The following TUBGCP3 variants were observed in gnomAD, a reference collection of about 807,000 sequenced individuals.
TUBGCP3 encodes the protein tubulin gamma complex component 3, also known as gamma-tubulin complex component 3.
TUBGCP3 carries 50 observed loss-of-function variants against 123.1 expected under a neutral mutation model. That is an observed-to-expected ratio of 0.41 (90% confidence interval 0.32 to 0.51). The LOEUF is 0.51. TUBGCP3 is among the 20% of genes least tolerant of loss of function. TUBGCP3 has a pLI of 0.36. For synonymous variants in TUBGCP3, 405 were observed against 413.9 expected, an observed-to-expected ratio of 0.98 and a Z score of 0.26; for missense variants, 882 against 1,127.0, an observed-to-expected ratio of 0.78 and a Z score of 3.11.
At chr13:112,595,894 T>A in the TUBGCP3 span, among the ~76,000 whole-genome samples, 1 of 152,346 alleles carries the variant, frequency 6.6e-6, no homozygotes, top group Admixed American at 6.5e-5. Context: ...TGTGCTTTCC[T>A]GTGAATTATT....
At chr13:112,542,104 C>T (rs1252324865) in intron 11 of TUBGCP3, among the ~76,000 whole-genome samples, 1 of 152,184 alleles carries the variant, frequency 6.6e-6, no homozygotes, top group Non-Finnish European at 1.5e-5. Flanking sequence ...AAATCTACAC[C>T]ACTAAGCATG....
chr13:112,503,724 A>T (rs1881088443), intron 19 of TUBGCP3, among the ~76,000 whole-genome samples: 1 of 152,198 alleles, frequency 6.6e-6, no homozygotes, highest in African/African-American at 2.4e-5. Flanking sequence ...TCAACAACTC[A>T]AAAGTCATGG....
intron 17 of TUBGCP3, among the ~76,000 whole-genome samples, chr13:112,510,620 A>G (rs1881616816): frequency 6.6e-6 from 1 of 152,200 alleles, no homozygotes; most frequent in Non-Finnish European, 1.5e-5. Flanking sequence ...CACCACAGGC[A>G]GGTGCTGTTC....
intron 11 of TUBGCP3, among the ~76,000 whole-genome samples, chr13:112,541,458 C>T (rs898540767): frequency 6.6e-6 from 1 of 150,688 alleles, no homozygotes; most frequent in Non-Finnish European, 1.5e-5. Context: ...AGGAGAATTG[C>T]TTGAACCCAG....
At chr13:112,569,009 C>T (rs1861480083) in intron 2 of TUBGCP3, 143 bp downstream of exon 2, 1 of 690,460 alleles carries the variant, frequency 1.4e-6, no homozygotes, top group Admixed American at 2.6e-5. Context: ...GACTCTACAA[C>T]AGAATTGACT....
intron 11 of TUBGCP3, among the ~76,000 whole-genome samples, chr13:112,529,228 G>A (rs948394991): frequency 4.6e-5 from 7 of 152,272 alleles, no homozygotes; most frequent in Non-Finnish European, 8.8e-5. Context: ...GGAAGTCTAC[G>A]TCTTCTCCTG....
chr13:112,595,279 C>T, the TUBGCP3 span, among the ~76,000 whole-genome samples: 1 of 152,034 alleles, frequency 6.6e-6, no homozygotes, highest in Non-Finnish European at 1.5e-5. Context: ...TCACTGCAAG[C>T]TCCACCTCCC....
rs551017344 is a variant in TUBGCP3 at position 112,561,938 on chromosome 13, G to A, written c.253-2539C>T. On this transcript the variant is annotated intron_variant, in intron 3 of 21. Transcript: ENST00000261965. ...AGGCAGCATTTTTTAACTATAAAAA[G>A]AGCAAGTATAAAACACCCAGGATCT... Among the ~76,000 whole-genome samples the A allele has an allele frequency of 5.9e-5, 9 of 152,310 alleles. No individual in the cohort carries two copies. The South Asian group carries it at 1.7e-3, about 28-fold the overall frequency.
chr13:112,523,750 C>T (rs1876817146), intron 13 of TUBGCP3, among the ~76,000 whole-genome samples: 1 of 152,214 alleles, frequency 6.6e-6, no homozygotes, highest in African/African-American at 2.4e-5. Context: ...CTCCTCGGAA[C>T]TCTCTTTGCT....
At chr13:112,515,091 T>C (rs571912443) in intron 17 of TUBGCP3, among the ~76,000 whole-genome samples, 11 of 152,298 alleles carry the variant, frequency 7.2e-5, no homozygotes, top group African/African-American at 2.2e-4. Flanking sequence ...CATAGAAAAC[T>C]GATCAAAAAA....
intron 11 of TUBGCP3, among the ~76,000 whole-genome samples, chr13:112,537,645 A>C (rs1878172473): frequency 6.6e-6 from 1 of 152,188 alleles, no homozygotes; most frequent in Admixed American, 6.5e-5. Flanking sequence ...TGAGTTAAGT[A>C]GTATTCCATC....
Position 112,545,959 on chromosome 13 carries a change from T to C in TUBGCP3, c.1169-94A>G, listed in dbSNP as rs1014577168. 2 of 1,411,764 alleles carry C rather than the reference T, an allele frequency of 1.4e-6. No individual in the cohort carries two copies. The highest frequency in any genetic ancestry group is 2.8e-5 in the African/African-American group (2 of 70,712). 87.5% of individuals were successfully genotyped at this position (1,411,764 alleles called of 1,614,324 possible). A position where few individuals can be genotyped will look rare whatever the true frequency, so the allele number is the denominator to read the frequency against. ...TCACCAACCAAAGACGCCCAAGTAATTGAGATAAAGAGCATTTGTTTTCTT... is the reference window on the plus strand; with the variant it reads ...TCACCAACCAAAGACGCCCAAGTAACTGAGATAAAGAGCATTTGTTTTCTT... On this transcript the variant is annotated intron_variant, in intron 10 of 21. Coordinates refer to ENST00000261965, the MANE Select transcript of TUBGCP3 (RefSeq NM_006322.6). The surrounding 1 kb of genome is among the most constrained non-coding windows in gnomAD (Gnocchi z 4.1).
At chr13:112,513,917 C>T (rs1055445703) in intron 17 of TUBGCP3, among the ~76,000 whole-genome samples, 3 of 151,986 alleles carry the variant, frequency 2.0e-5, no homozygotes, top group African/African-American at 7.3e-5. Flanking sequence ...AATTGAGCAC[C>T]GTTCTGAGTA....
rs77784797 is a variant in TUBGCP3, at chr13:112,542,523, A to G, written c.1335+3176T>C. On this transcript the variant is annotated intron_variant, in intron 11 of 21. Transcript: ENST00000261965. ...CTTGAAAAATTAAGTCTAGAACTTT[A>G]AGTCAATTCAATAATTTTATGATAC... Among the ~76,000 whole-genome samples, 325 of 152,378 alleles carry G rather than the reference A, an allele frequency of 2.1e-3. 5 individuals are homozygous for G. In the East Asian group the frequency reaches 0.025, roughly 12 times the overall value.
chr13:112,518,252 G>A (rs140013891), intron 16 of TUBGCP3, among the ~76,000 whole-genome samples: 27 of 152,272 alleles, frequency 1.8e-4, no homozygotes, highest in African/African-American at 5.1e-4. Flanking sequence ...AAAACAGCAC[G>A]AAGCAGGCTC....
At chr13:112,533,001 T>C (rs113070128) in intron 11 of TUBGCP3, among the ~76,000 whole-genome samples, 2,173 of 152,300 alleles carry the variant, frequency 0.014, 52 homozygotes, top group African/African-American at 0.048. Flanking sequence ...TTCTGTCATC[T>C]TGCAGTTGCA....
intron 16 of TUBGCP3, among the ~76,000 whole-genome samples, chr13:112,517,091 A>C (rs2139050647): frequency 6.6e-6 from 1 of 152,286 alleles, no homozygotes; most frequent in South Asian, 2.1e-4. Context: ...AACTCAGCTC[A>C]CTGCAACCTC....
In TUBGCP3 at chr13:112,508,185, C is replaced by T. The variant is rs1881431073; in HGVS notation, c.2087-3471G>A. ...GCTCTGCCTGTATCCCTCGTGCCCC[C>T]TAGTCACTCCAAGCCCGCCTCTCCC... On this transcript the variant is annotated intron_variant, in intron 17 of 21. Coordinates refer to ENST00000261965, the MANE Select transcript of TUBGCP3 (RefSeq NM_006322.6). This position sits in a 1 kb window ranked among gnomAD's most constrained non-coding sequence, Gnocchi z 4.2. Among the ~76,000 whole-genome samples, 1 of 152,154 alleles carries T rather than the reference C, an allele frequency of 6.6e-6. No individual in the cohort carries two copies. Among genetic ancestry groups the T allele is most frequent in the Non-Finnish European group, 1.5e-5 (1 of 68,014 alleles).
chr13:112,551,151 A>G (rs887150692), intron 8 of TUBGCP3, among the ~76,000 whole-genome samples: 1 of 152,336 alleles, frequency 6.6e-6, no homozygotes, highest in South Asian at 2.1e-4. Context: ...TCATTATCCA[A>G]CGTGTAGAAT....
Sources: gnomAD v4.1 joint callset for allele counts (sites outside exome capture counted in the v4.1 genomes callset) on GRCh38, gnomAD v4.1.1 for gene constraint, Gnocchi (gnomAD v3.1) non-coding constraint, MANE v1.5 for transcripts, NCBI Gene and HGNC (gene_info 2026-07-23, HGNC 2026-07-21) for gene names.